The following WDR20 variants were observed in gnomAD, a reference collection of about 807,000 sequenced individuals.
WDR20 encodes WD repeat domain 20.
In WDR20, 3 loss-of-function variants were observed where a neutral mutation model predicts 38.7. The ratio of observed to expected loss-of-function variants is 0.08; its 90% CI spans 0.04 to 0.20. The LOEUF is 0.20. Among genes scored for constraint, WDR20 ranks in the 10% least tolerant of loss-of-function variants. The probability of loss-of-function intolerance (pLI) is 1.00; values close to 1 mark genes in which losing one functional copy is unlikely to be tolerated. For missense variants in WDR20, 559 were observed against 727.7 expected (o/e 0.77, Z 2.67); for synonymous variants, 298 against 285.6 (o/e 1.04, Z -0.44).
intron 1 of WDR20, among the ~76,000 whole-genome samples, chr14:102,178,074 T>C (rs1566932084): frequency 6.6e-6 from 1 of 152,028 alleles, no homozygotes; most frequent in Non-Finnish European, 1.5e-5. Context: ...GGTGGTGGAG[T>C]TTGAGATCTG....
At chr14:102,198,117 ATTTATTT>A (rs2059721263) in intron 2 of WDR20, 1 of 96,656 alleles carries the variant, frequency 1.0e-5, no homozygotes, top group Non-Finnish European at 1.9e-5. Context: ...TTATTTATTT[ATTTATTT>A]ATTTATTTAT....
intron 2 of WDR20, among the ~76,000 whole-genome samples, chr14:102,205,383 G>T (rs537658707): frequency 5.3e-5 from 8 of 152,274 alleles, no homozygotes; most frequent in Non-Finnish European, 1.0e-4. Flanking sequence ...CATGCACAAA[G>T]ACACTCTGGA....
At chr14:102,151,105 A>C (rs1431462356) in intron 1 of WDR20, among the ~76,000 whole-genome samples, 1 of 151,840 alleles carries the variant, frequency 6.6e-6, no homozygotes, top group Non-Finnish European at 1.5e-5. Context: ...AGTTGGTGAG[A>C]GGATAAATGC....
At chr14:102,215,774 C>T (rs1220104540), downstream of WDR20, among the ~76,000 whole-genome samples, 1 of 152,200 alleles carries the variant, frequency 6.6e-6, no homozygotes, top group Non-Finnish European at 1.5e-5. Context: ...GTGCAGAGCG[C>T]TTCCTACACA....
intron 1 of WDR20, among the ~76,000 whole-genome samples, chr14:102,173,487 C>T (rs1433989603): frequency 2.1e-5 from 3 of 143,702 alleles, no homozygotes; most frequent in East Asian, 4.1e-4. Context: ...TTATTTTTAT[C>T]AATAGGTTTT....
intron 2 of WDR20, among the ~76,000 whole-genome samples, chr14:102,204,305 C>G (rs925999714): frequency 6.6e-6 from 1 of 152,210 alleles, no homozygotes; most frequent in Admixed American, 6.5e-5. Flanking sequence ...TTCTGTCCTT[C>G]TGTCTTGCTC....
chr14:102,164,427 A>G lies in WDR20; in HGVS notation c.249+24255A>G, dbSNP rs555682053. ...TAATCTCCTCTAGTCCACCTCTGGCACTCTCTCCCACAGTGACATGCGGGA... is the reference window on the plus strand; with the variant it reads ...TAATCTCCTCTAGTCCACCTCTGGCGCTCTCTCCCACAGTGACATGCGGGA... On this transcript the variant is annotated intron_variant, in intron 1 of 2. Transcript: ENST00000342702. Among the ~76,000 whole-genome samples the G allele has an allele frequency of 3.3e-5, 5 of 151,830 alleles. No homozygotes were observed. In the East Asian group the frequency reaches 9.7e-4, roughly 29 times the overall value.
At chr14:102,139,561 G>GC, upstream of WDR20, 1 of 795,846 alleles carries the variant, frequency 1.3e-6, no homozygotes, top group Admixed American at 2.9e-5. Context: ...CATGACACCA[G>GC]CCCCGCCGCG....
chr14:102,213,307 A>G, downstream of WDR20: 1 of 985,468 alleles, frequency 1.0e-6, no homozygotes, highest in Non-Finnish European at 1.2e-6. Context: ...TTAAAAGCAA[A>G]TGCATGTGCA....
rs577815742 is a variant in WDR20 at position 102,161,376 on chromosome 14, C to T, written c.249+21204C>T. Among the ~76,000 whole-genome samples, 7 of 149,032 alleles carry T rather than the reference C, an allele frequency of 4.7e-5. No individual in the cohort carries two copies. The South Asian group carries it at 6.4e-4, about 14-fold the overall frequency. On this transcript the variant is annotated intron_variant, in intron 1 of 2. Transcript: ENST00000342702. Reference sequence around the variant, plus strand: ...TCACCCAGGCTGGAGTGCAGCGGTGCGATCATGGCTTACTGTAGCTTCAGC... The same window carrying T: ...TCACCCAGGCTGGAGTGCAGCGGTGTGATCATGGCTTACTGTAGCTTCAGC...
chr14:102,192,004 C>T (rs180919241), intron 1 of WDR20, among the ~76,000 whole-genome samples: 8 of 152,112 alleles, frequency 5.3e-5, no homozygotes, highest in African/African-American at 1.4e-4. Context: ...AAAATTTGTC[C>T]GTTGCCATAA....
chr14:102,224,332 G>A (rs147346776), downstream of WDR20, among the ~76,000 whole-genome samples: 63 of 152,152 alleles, frequency 4.1e-4, no homozygotes, highest in East Asian at 9.9e-3. Flanking sequence ...GAGCCACTGC[G>A]CCCGGCCTTA....
In WDR20 at chr14:102,202,616, G is replaced by A. The variant is rs181465295; in HGVS notation, c.433-5987G>A. 3.0e-3 allele frequency among the ~76,000 whole-genome samples: 456 copies of A among 152,004 alleles called. 1 individual carries two copies. The highest frequency in any genetic ancestry group is 5.3e-3 in the Non-Finnish European group (361 of 67,958). ...AGGATGGTCTCGATCTCCTGACCTC[G>A]TGATCCGCCCGCCTTGGCCTCCCAA... On this transcript the variant is annotated intron_variant, in intron 2 of 2. Coordinates refer to ENST00000342702, the MANE Select transcript of WDR20 (RefSeq NM_144574.4).
intron 1 of WDR20, among the ~76,000 whole-genome samples, chr14:102,140,523 T>A (rs1389074171): frequency 6.6e-6 from 1 of 152,148 alleles, no homozygotes; most frequent in Non-Finnish European, 1.5e-5. Context: ...GTGGCCGTCT[T>A]GTCTGCTTCG....
At chr14:102,177,479 A>G (rs779154613) in intron 1 of WDR20, among the ~76,000 whole-genome samples, 4 of 152,142 alleles carry the variant, frequency 2.6e-5, no homozygotes, top group African/African-American at 4.8e-5. Context: ...GGAGTCTACT[A>G]GCTATGAGAA....
intron 1 of WDR20, among the ~76,000 whole-genome samples, chr14:102,141,654 C>T (rs1435819041): frequency 6.6e-6 from 1 of 151,912 alleles, no homozygotes; most frequent in African/African-American, 2.4e-5. Flanking sequence ...TTACAGTGCA[C>T]GTTGTAATTA....
chr14:102,188,383 C>T (rs931699399), intron 1 of WDR20, among the ~76,000 whole-genome samples: 3 of 152,204 alleles, frequency 2.0e-5, no homozygotes, highest in Admixed American at 6.5e-5. Context: ...CTCCACATTT[C>T]TGTCCACTCA....
chr14:102,149,850 G>A (rs573069730), intron 1 of WDR20, among the ~76,000 whole-genome samples: 6 of 152,124 alleles, frequency 3.9e-5, no homozygotes, highest in East Asian at 1.9e-4. Context: ...ATGCCACCAC[G>A]CCCGGCTAAT....
chr14:102,223,050 G>T, exon 4 of WDR20: 1 of 663,286 alleles, frequency 1.5e-6, no homozygotes, highest in Non-Finnish European at 2.5e-6. Flanking sequence ...CCGTGCTCCC[G>T]CTGCTCACCC....
Sources: allele counts gnomAD v4.1 joint callset (sites outside exome capture counted in the v4.1 genomes callset), GRCh38; gene constraint gnomAD v4.1.1; transcripts MANE v1.5; gene names NCBI Gene and HGNC (gene_info 2026-07-23, HGNC 2026-07-21).